Variants in LTBP1 observed in about 807,000 individuals in gnomAD.
LTBP1 encodes the protein latent-transforming growth factor beta-binding protein 1.
LTBP1 carries 129 observed loss-of-function variants against 207.6 expected under a neutral mutation model. That is an observed-to-expected ratio of 0.62 (90% CI 0.54 to 0.72). The LOEUF is 0.72. LTBP1 is among the 30% of genes least tolerant of loss of function. The pLI is 0.00. For missense variants in LTBP1, 2,281 were observed against 2,217.2 expected (o/e 1.03, Z -0.58); for synonymous variants, 963 against 833.7 (o/e 1.16, Z -2.67).
intron 5 of LTBP1, among the ~76,000 whole-genome samples, chr2:33,177,237 T>C (rs2086156205): frequency 6.6e-6 from 1 of 152,208 alleles, no homozygotes; most frequent in African/African-American, 2.4e-5. Flanking sequence ...TCCTAGCACA[T>C]TGCCTTGCAT....
chr2:33,309,180 G>T (rs1034851662), intron 22 of LTBP1, among the ~76,000 whole-genome samples: 1 of 151,844 alleles, frequency 6.6e-6, no homozygotes, highest in African/African-American at 2.4e-5. Flanking sequence ...CTACTCGGGA[G>T]GCTGAGGCAT....
chr2:33,022,133 C>T (rs2075200961), intron 3 of LTBP1, among the ~76,000 whole-genome samples: 1 of 152,136 alleles, frequency 6.6e-6, no homozygotes, highest in Non-Finnish European at 1.5e-5. Flanking sequence ...AGTATCCAGT[C>T]AGCCCACAGA....
At chr2:33,077,974 T>G (rs555014664) in intron 3 of LTBP1, among the ~76,000 whole-genome samples, 1 of 152,294 alleles carries the variant, frequency 6.6e-6, no homozygotes, top group African/African-American at 2.4e-5. Flanking sequence ...GCGGGTGAAC[T>G]CACCCTTGTA....
At chr2:33,115,031 G>GATAT (rs373292217) in intron 4 of LTBP1, among the ~76,000 whole-genome samples, 19 of 131,672 alleles carry the variant, frequency 1.4e-4, no homozygotes, top group African/African-American at 2.6e-4. Context: ...TAAACAAACA[G>GATAT]ATATATACAC....
intron 26 of LTBP1, among the ~76,000 whole-genome samples, chr2:33,351,063 G>A (rs2094774983): frequency 6.6e-6 from 1 of 152,156 alleles, no homozygotes; most frequent in African/African-American, 2.4e-5. Context: ...AAGCATATAG[G>A]TTGGGGTGGT....
intron 3 of LTBP1, among the ~76,000 whole-genome samples, chr2:33,048,503 G>A (rs1180033033): frequency 6.6e-6 from 1 of 152,222 alleles, no homozygotes; most frequent in Non-Finnish European, 1.5e-5. Context: ...CTCACACTCA[G>A]AGGAGCATGA....
chr2:33,184,906 T>A (rs2087035493), intron 5 of LTBP1, among the ~76,000 whole-genome samples: 1 of 151,858 alleles, frequency 6.6e-6, no homozygotes. Context: ...AAGTAGTCAG[T>A]CAGTTGTAAT....
intron 26 of LTBP1, among the ~76,000 whole-genome samples, chr2:33,359,518 T>C (rs141059161): frequency 6.6e-6 from 1 of 152,338 alleles, no homozygotes. Flanking sequence ...ATTAAACTCT[T>C]ATCCTCATCA....
At chr2:33,355,342 A>G (rs926989585) in intron 26 of LTBP1, among the ~76,000 whole-genome samples, 2 of 152,086 alleles carry the variant, frequency 1.3e-5, no homozygotes, top group Non-Finnish European at 2.9e-5. Context: ...CAAAATCCAC[A>G]GATGCTCAAG....
chr2:33,321,771 C>G (rs762914935), intron 24 of LTBP1, among the ~76,000 whole-genome samples: 3 of 152,136 alleles, frequency 2.0e-5, no homozygotes, highest in African/African-American at 7.2e-5. Flanking sequence ...AAACTGAAAA[C>G]TGTACTAAGA....
At chr2:33,087,081 A>G (rs1395418569) in intron 3 of LTBP1, among the ~76,000 whole-genome samples, 1 of 40,156 alleles carries the variant, frequency 2.5e-5, no homozygotes, top group South Asian at 1.2e-3. Flanking sequence ...TCCCTCCTTT[A>G]TGCTTTTTTT....
chr2:33,109,307 C>T (rs373664509), intron 3 of LTBP1, among the ~76,000 whole-genome samples: 5 of 152,316 alleles, frequency 3.3e-5, no homozygotes, highest in Non-Finnish European at 5.9e-5. Flanking sequence ...ATTTCTTCCC[C>T]TTGTTCAGAT....
chr2:32,987,996 G>T (rs989336399), intron 2 of LTBP1, among the ~76,000 whole-genome samples: 1 of 152,220 alleles, frequency 6.6e-6, no homozygotes, highest in African/African-American at 2.4e-5. Flanking sequence ...TGTACCCACA[G>T]AGGTGGTAAA....
chr2:32,963,370 A>AT (rs35409873), intron 2 of LTBP1, among the ~76,000 whole-genome samples: 61,829 of 146,366 alleles, frequency 0.42, 13,299 homozygotes, highest in Non-Finnish European at 0.48. Flanking sequence ...ATGCCCAGCT[A>AT]TTTTTTTTTT....
chr2:33,277,456 C>G (rs1312445648), intron 18 of LTBP1, among the ~76,000 whole-genome samples: 1 of 152,108 alleles, frequency 6.6e-6, no homozygotes, highest in Non-Finnish European at 1.5e-5. Flanking sequence ...GACTTTGCCC[C>G]TTTGAAACGT....
intron 3 of LTBP1, among the ~76,000 whole-genome samples, chr2:33,049,284 A>G (rs2076607177): frequency 6.6e-6 from 1 of 152,238 alleles, no homozygotes; most frequent in Non-Finnish European, 1.5e-5. Flanking sequence ...ATAAGTTTGT[A>G]AGACCAATGA....
intron 9 of LTBP1, among the ~76,000 whole-genome samples, chr2:33,224,689 C>T (rs758969350): frequency 6.6e-6 from 1 of 152,080 alleles, no homozygotes; most frequent in Non-Finnish European, 1.5e-5. Context: ...GTCATTTTAT[C>T]CAAAATGTCA....
chr2:33,053,635 T>C (rs897466792), intron 3 of LTBP1, among the ~76,000 whole-genome samples: 1 of 152,008 alleles, frequency 6.6e-6, no homozygotes, highest in Admixed American at 6.6e-5. Context: ...AGCCAGTAAT[T>C]CCAAGGAACC....
chr2:33,172,775 G>A (rs1338418021), intron 5 of LTBP1, among the ~76,000 whole-genome samples: 6 of 152,154 alleles, frequency 3.9e-5, no homozygotes, highest in Non-Finnish European at 5.9e-5. Flanking sequence ...CTCAGCAAAT[G>A]TAAAAGAACA....
Sources: allele counts gnomAD v4.1 joint callset (sites outside exome capture counted in the v4.1 genomes callset), GRCh38; gene constraint gnomAD v4.1.1; transcripts MANE v1.5; gene names NCBI Gene and HGNC (gene_info 2026-07-23, HGNC 2026-07-21).